Variants in SHOC1 observed in about 807,000 individuals in gnomAD.
SHOC1 encodes protein shortage in chiasmata 1 ortholog.
SHOC1 carries 136 observed loss-of-function variants against 179.2 expected under a neutral mutation model. The observed-to-expected ratio is 0.76, with a 90% confidence interval of 0.66 to 0.87. The LOEUF is 0.87. Among genes scored for constraint, SHOC1 ranks in the 40% least tolerant of loss-of-function variants. The pLI, the probability that SHOC1 is intolerant of heterozygous loss-of-function variation, is 0.00. For missense variants in SHOC1, 1,538 were observed against 1,700.8 expected (o/e 0.90, Z 1.68); for synonymous variants, 489 against 586.6 (o/e 0.83, Z 2.41).
At chr9:111,710,450 A>G (rs2131371978) in intron 18 of SHOC1, among the ~76,000 whole-genome samples, 1 of 152,242 alleles carries the variant, frequency 6.6e-6, no homozygotes, top group African/African-American at 2.4e-5. Context: ...CTTTTTCACT[A>G]GTTCTAGTGT....
At chr9:111,717,539 G>GCAGGTTT (rs1336343603) in intron 16 of SHOC1, among the ~76,000 whole-genome samples, 3 of 150,636 alleles carry the variant, frequency 2.0e-5, no homozygotes, top group Non-Finnish European at 4.4e-5. Context: ...GTTGCAGGTT[G>GCAGGTTT]CAGTGAGATC....
intron 15 of SHOC1, among the ~76,000 whole-genome samples, chr9:111,720,274 A>G (rs994885321): frequency 1.8e-4 from 28 of 152,362 alleles, no homozygotes; most frequent in African/African-American, 6.7e-4. Flanking sequence ...CAGCATTTTC[A>G]AAATGTTACT....
chr9:111,785,898 G>T lies in SHOC1; in HGVS notation c.169+14C>A. The T allele has an allele frequency of 6.9e-7, 1 of 1,441,126 alleles. No homozygotes were observed. Among genetic ancestry groups the T allele is most frequent in the South Asian group, 1.5e-5 (1 of 64,990 alleles). 89.3% of individuals were successfully genotyped at this position (1,441,126 alleles called of 1,614,324 possible). On this transcript the variant is annotated intron_variant, in intron 3 of 27. Coordinates refer to ENST00000682961, the MANE Select transcript of SHOC1 (RefSeq NM_001378211.1). ...CTTTTAAAACACATTTTTAAGAAAT[G>T]AAAACAAACATACCTCTCGTCCATG...
chr9:111,758,226 C>A, intron 6 of SHOC1, 31 bp from the exon 7 acceptor site: 1 of 1,248,300 alleles, frequency 8.0e-7, no homozygotes, highest in Admixed American at 2.4e-5. Flanking sequence ...TTAGTGTTTA[C>A]TAAAAGCAAG....
At chr9:111,713,662 G>A (rs10981032) in intron 17 of SHOC1, among the ~76,000 whole-genome samples, 8,646 of 152,098 alleles carry the variant, frequency 0.057, 614 homozygotes, top group African/African-American at 0.17. Flanking sequence ...AGAAATAGGA[G>A]GCACAGAACG....
chr9:111,779,604 T>C (rs1835960818), intron 4 of SHOC1, among the ~76,000 whole-genome samples: 1 of 152,000 alleles, frequency 6.6e-6, no homozygotes. Flanking sequence ...AGCTGACCTC[T>C]CCTAGTTATA....
intron 13 of SHOC1, among the ~76,000 whole-genome samples, chr9:111,725,529 G>T (rs1019677399): frequency 1.3e-5 from 2 of 152,148 alleles, no homozygotes; most frequent in Non-Finnish European, 2.9e-5. Context: ...GGGAGGTCAG[G>T]GGCACTGCCC....
In SHOC1 at chr9:111,703,950, C is replaced by T; in HGVS notation, c.2898G>A (p.Leu966=). 1 of 1,607,328 alleles carries T rather than the reference C, an allele frequency of 6.2e-7. No individual in the cohort carries two copies. Among genetic ancestry groups the T allele is most frequent in the South Asian group, 1.1e-5 (1 of 90,780 alleles). The change falls in exon 22 of 28, where the codon TTG becomes TTA. Residue 966 remains leucine, a synonymous_variant. Transcript: ENST00000682961. ...AACACTCTGAACTTCCAAAGAGTTT[C>T]AATGACTCACTGCAGCCTCTCTCTA... is the stretch of plus-strand genomic sequence containing the variant. ...SLVERGCSES[L]KLFGSSECYV...
At chr9:111,760,326 C>T (rs1348392271) in intron 5 of SHOC1, among the ~76,000 whole-genome samples, 1 of 152,160 alleles carries the variant, frequency 6.6e-6, no homozygotes, top group African/African-American at 2.4e-5. Flanking sequence ...CACTTCCTTA[C>T]TTTCTTTGAG....
intron 5 of SHOC1, among the ~76,000 whole-genome samples, chr9:111,774,735 A>C (rs1835764991): frequency 6.6e-6 from 1 of 152,180 alleles, no homozygotes; most frequent in African/African-American, 2.4e-5. Flanking sequence ...TGCCAATGCT[A>C]AAAATTTTAT....
intron 15 of SHOC1, among the ~76,000 whole-genome samples, chr9:111,720,203 A>G (rs1832974046): frequency 6.6e-6 from 1 of 152,232 alleles, no homozygotes. Flanking sequence ...GGACAGAAAG[A>G]GCTCTAAGAG....
intron 8 of SHOC1, among the ~76,000 whole-genome samples, chr9:111,755,186 T>G (rs545961716): frequency 6.7e-5 from 5 of 74,206 alleles, no homozygotes; most frequent in African/African-American, 2.0e-4. Flanking sequence ...AGTCATTTGT[T>G]GTCCTTTACA....
chr9:111,735,715 C>T (rs1833785128), intron 12 of SHOC1, among the ~76,000 whole-genome samples: 1 of 152,096 alleles, frequency 6.6e-6, no homozygotes, highest in South Asian at 2.1e-4. Flanking sequence ...AATGGGATTG[C>T]TGGGTCAAAT....
rs766656764 is a variant in SHOC1, at chr9:111,686,854, T to C, written c.4443A>G (p.Gln1481=). ...KESLTGFMCS[Q]LPQFKKRRLA... is the part of the protein sequence containing the mutation. ...GACGTCGTTTTTTGAATTGTGGTAG[T>C]TGTGAGCACATAAAACCTGTTAAAA... is the stretch of plus-strand genomic sequence containing the variant. The change falls in exon 28 of 28, where the codon CAA becomes CAG. Residue 1481 remains glutamine, a synonymous_variant. Transcript: ENST00000682961. 1 of 1,612,568 alleles carries C rather than the reference T, an allele frequency of 6.2e-7. No homozygotes were observed. The highest frequency in any genetic ancestry group is 8.5e-7 in the Non-Finnish European group (1 of 1,178,688).
At chr9:111,715,270 GGT>G (rs2131387036) in intron 16 of SHOC1, among the ~76,000 whole-genome samples, 1 of 152,162 alleles carries the variant, frequency 6.6e-6, no homozygotes, top group Admixed American at 6.5e-5. Flanking sequence ...CACCTGGCAT[GGT>G]AACTTATGTA....
At position 111,692,216 on chromosome 9, in the gene SHOC1, T is replaced by C; in HGVS notation, c.3761A>G (p.Tyr1254Cys). The change falls in exon 27 of 28, where the codon TAC becomes TGC. Residue 1254 changes from tyrosine to cysteine, a missense_variant. Transcript: ENST00000682961. Reference sequence around the variant, plus strand: ...AGATTTACAGCTGGAGTCTTTCCAGTAGCTGGTCTGATTGTATGAAGTCAC... The same window carrying C: ...AGATTTACAGCTGGAGTCTTTCCAGCAGCTGGTCTGATTGTATGAAGTCAC... ...PPVTSYNQTS[Y>C]WKDSSCKSNI... The C allele has an allele frequency of 6.2e-7, 1 of 1,613,564 alleles. No homozygotes were observed.
intron 8 of SHOC1, among the ~76,000 whole-genome samples, chr9:111,752,854 G>A (rs565408982): frequency 6.6e-6 from 1 of 152,266 alleles, no homozygotes; most frequent in Admixed American, 6.5e-5. Flanking sequence ...ATAAGAGTCA[G>A]TGAAATTGAA....
chr9:111,740,588 T>G (rs1833986279), intron 11 of SHOC1, among the ~76,000 whole-genome samples: 1 of 152,198 alleles, frequency 6.6e-6, no homozygotes, highest in African/African-American at 2.4e-5. Flanking sequence ...TATTTATTTA[T>G]TTTTGAGATG....
At chr9:111,700,220 T>C (rs548226301) in intron 23 of SHOC1, among the ~76,000 whole-genome samples, 173 bp from the exon 24 acceptor site, 3 of 152,024 alleles carry the variant, frequency 2.0e-5, no homozygotes, top group African/African-American at 7.2e-5. Flanking sequence ...TGAAAAAACA[T>C]CTCCATCTCC....
Sources: gnomAD v4.1 joint callset for allele counts (sites outside exome capture counted in the v4.1 genomes callset) on GRCh38, gnomAD v4.1.1 for gene constraint, MANE v1.5 for transcripts, NCBI Gene and HGNC (gene_info 2026-07-23, HGNC 2026-07-21) for gene names.